CTDSP1: variants seen among roughly 807,000 people sequenced by gnomAD.
CTDSP1 encodes the protein carboxy-terminal domain RNA polymerase II polypeptide A small phosphatase 1.
In CTDSP1, 15 loss-of-function variants were observed where a neutral mutation model predicts 32.5. The observed-to-expected ratio is 0.46, with a 90% CI of 0.31 to 0.71. The LOEUF is 0.71. Among genes scored for constraint, CTDSP1 ranks in the 30% least tolerant of loss-of-function variants. CTDSP1 has a pLI of 0.05. For missense variants in CTDSP1, 294 were observed against 351.1 expected, an observed-to-expected ratio of 0.84 and a Z score of 1.30; for synonymous variants, 185 against 145.4, an observed-to-expected ratio of 1.27 and a Z score of -1.96.
upstream of CTDSP1, chr2:218,398,848 C>G (rs1176479727): frequency 6.3e-6 from 1 of 158,670 alleles, no homozygotes. Flanking sequence ...AGACCCACGG[C>G]GCGCACCACG....
At chr2:218,403,739 T>C (rs539623126) in intron 6 of CTDSP1, 9 of 282,134 alleles carry the variant, frequency 3.2e-5, no homozygotes, top group South Asian at 2.0e-4. Context: ...TGGGTTCTGA[T>C]TGGGAATTTT....
intron 5 of CTDSP1, 52 bp downstream of exon 5, chr2:218,403,179 C>T (rs777740284): frequency 6.2e-7 from 1 of 1,612,818 alleles, no homozygotes; most frequent in South Asian, 1.1e-5. Flanking sequence ...CTACCTCCCG[C>T]ATGCAGCCCA....
At chr2:218,397,430 G>A (rs370737164), upstream of CTDSP1, among the ~76,000 whole-genome samples, 2 of 152,124 alleles carry the variant, frequency 1.3e-5, no homozygotes, top group Non-Finnish European at 2.9e-5. Flanking sequence ...CACTCCCCAA[G>A]AGCCTGCTGA....
rs1405408891 is a variant in CTDSP1 at position 218,403,075 on chromosome 2, A to G, written c.419A>G (p.Gln140Arg). 6.2e-7 allele frequency: 1 copy of G among 1,613,956 alleles called. No individual in the cohort carries two copies. Among genetic ancestry groups the G allele is most frequent in the Non-Finnish European group, 8.5e-7 (1 of 1,180,010 alleles). ...LKRPHVDEFLQRMGELFECVL... is the reference protein window; with the variant it reads ...LKRPHVDEFLRRMGELFECVL... ...CGTCCTCACGTGGATGAGTTCCTGC[A>G]GCGAATGGGCGAGCTCTTTGAATGT... The change falls in exon 5 of 7, where the codon CAG (glutamine) becomes CGG (arginine). Residue 140 changes from glutamine to arginine, a missense_variant. By Grantham distance (43) the Gln-to-Arg change is conservative. Transcript: ENST00000273062.
chr2:218,401,713 G>A lies in CTDSP1; in HGVS notation c.216+1G>A. 6.4e-7 allele frequency: 1 copy of A among 1,565,084 alleles called. No individual in the cohort carries two copies. The highest frequency in any genetic ancestry group is 8.7e-7 in the Non-Finnish European group (1 of 1,155,622). On this transcript the variant is annotated splice_donor_variant, in intron 2 of 6. Coordinates refer to ENST00000273062, the MANE Select transcript of CTDSP1 (RefSeq NM_021198.3). LOFTEE classifies it high-confidence loss of function. ...GGAGGAGAATGGCGCCATCCCTAAG[G>A]TGCGTGGGGGCCAGGTGGGGCCACG...
chr2:218,401,842 A>AGGGGAGGCT, intron 2 of CTDSP1, 130 bp downstream of exon 2: 1 of 928,568 alleles, frequency 1.1e-6, no homozygotes, highest in Non-Finnish European at 1.6e-6. Context: ...GGAGGGTGGC[A>AGGGGAGGCT]GCCTCCCCTG....
chr2:218,401,396 G>A (rs1249470980), intron 1 of CTDSP1, 168 bp from the exon 2 acceptor site: 2 of 692,610 alleles, frequency 2.9e-6, no homozygotes, highest in Non-Finnish European at 4.8e-6. Flanking sequence ...AGTTGATTGT[G>A]GAGCCCTGAC....
At chr2:218,399,862 AT>A, upstream of CTDSP1, 1 of 1,236,844 alleles carries the variant, frequency 8.1e-7, no homozygotes, top group Non-Finnish European at 1.0e-6. Flanking sequence ...CCTGGGTTCC[AT>A]GTTTGCATCC....
At chr2:218,401,025 C>G (rs1207908341) in intron 1 of CTDSP1, 3 of 436,542 alleles carry the variant, frequency 6.9e-6, no homozygotes, top group Non-Finnish European at 9.3e-6. Flanking sequence ...GGCTCCAGGT[C>G]GGAGGTCTGG....
upstream of CTDSP1, chr2:218,396,531 A>T (rs1022444665): frequency 5.2e-5 from 8 of 152,392 alleles, no homozygotes; most frequent in African/African-American, 1.7e-4. Context: ...ACGCTTGTTT[A>T]TGAGAAGAAT....
chr2:218,400,411 A>G (rs756032866), intron 1 of CTDSP1: 21 of 463,838 alleles, frequency 4.5e-5, no homozygotes. Context: ...TAGAGAGGGA[A>G]CTCTTCGGGG....
chr2:218,401,797 C>T (rs1697157996), intron 2 of CTDSP1, 85 bp downstream of exon 2: 1 of 1,326,926 alleles, frequency 7.5e-7, no homozygotes, highest in South Asian at 1.5e-5. Context: ...CTGAGCTTTT[C>T]AGGATGGACT....
At chr2:218,401,500 C>T in intron 1 of CTDSP1, 64 bp from the exon 2 acceptor site, 1 of 1,583,400 alleles carries the variant, frequency 6.3e-7, no homozygotes, top group Non-Finnish European at 8.6e-7. Flanking sequence ...CACACCTGGG[C>T]ACACATGCAG....
intron 1 of CTDSP1, chr2:218,401,328 T>C (rs1445225901): frequency 3.5e-6 from 2 of 575,248 alleles, no homozygotes; most frequent in Non-Finnish European, 6.2e-6. Flanking sequence ...ACGCACTCCC[T>C]ATGTGGGCGC....
chr2:218,401,610 C>T lies in CTDSP1; in HGVS notation c.114C>T (p.Ile38=), dbSNP rs1244072868. The change falls in exon 2 of 7, where the codon ATC becomes ATT. Residue 38 remains isoleucine (I), a synonymous_variant. Coordinates refer to ENST00000273062, the MANE Select transcript of CTDSP1 (RefSeq NM_021198.3). ...AASQKPRSRG[I]LHSLFCCVCR... ...CCCAGAAGCCCCGAAGCCGGGGCAT[C>T]CTCCACTCACTCTTCTGCTGTGTCT... 13 of 1,613,824 alleles carry T rather than the reference C, an allele frequency of 8.1e-6. No individual in the cohort carries two copies. The highest frequency in any genetic ancestry group is 8.0e-5 in the African/African-American group (6 of 74,932).
intron 1 of CTDSP1, chr2:218,400,766 T>G (rs1048300951): frequency 1.5e-5 from 7 of 454,642 alleles, no homozygotes; most frequent in Non-Finnish European, 2.2e-5. Flanking sequence ...GTGCGCCTAG[T>G]GGGCACGCAC....
chr2:218,403,293 G>A lies in CTDSP1; in HGVS notation c.533G>A (p.Arg178Gln). The A allele has an allele frequency of 1.2e-6, 2 of 1,614,130 alleles. No individual in the cohort carries two copies. The highest frequency in any genetic ancestry group is 1.7e-6 in the Non-Finnish European group (2 of 1,179,994). The change falls in exon 6 of 7, where the codon CGA (arginine) becomes CAA (glutamine). Residue 178 changes from arginine (R) to glutamine (Q), a missense_variant. Arg to Gln is a conservative substitution (Grantham distance 43, BLOSUM62 1). Transcript: ENST00000273062. ...KWGAFRARLF[R>Q]ESCVFHRGNY... ...GGGGCCTTCCGGGCCCGGCTGTTTC[G>A]AGAGTCCTGCGTCTTCCACCGGGGG... is the stretch of plus-strand genomic sequence containing the variant.
At chr2:218,399,008 C>G (rs1696961723), upstream of CTDSP1, 1 of 152,224 alleles carries the variant, frequency 6.6e-6, no homozygotes, top group Admixed American at 6.5e-5. Flanking sequence ...GTGCTGGGCT[C>G]CTAGGATCGG....
chr2:218,404,120 T>C (rs1311194523), intron 6 of CTDSP1, among the ~76,000 whole-genome samples, 177 bp from the exon 7 acceptor site: 1 of 152,216 alleles, frequency 6.6e-6, no homozygotes, highest in Non-Finnish European at 1.5e-5. Flanking sequence ...GTGAAGCTTT[T>C]GCATTGTTAC....
Sources: allele counts gnomAD v4.1 joint callset (sites outside exome capture counted in the v4.1 genomes callset), GRCh38; gene constraint gnomAD v4.1.1; transcripts MANE v1.5; gene names NCBI Gene and HGNC (gene_info 2026-07-23, HGNC 2026-07-21).